FAM47E: variants seen among roughly 807,000 people sequenced by gnomAD.
FAM47E encodes the protein protein FAM47E.
A neutral mutation model predicts 41.6 loss-of-function variants in FAM47E; 32 were observed. That is an observed-to-expected ratio of 0.77 (90% CI 0.58 to 1.03). FAM47E has a LOEUF of 1.03. Ranked by LOEUF, FAM47E falls within the 50% of genes least tolerant of loss-of-function variation. The pLI is 0.00. For synonymous variants in FAM47E, 184 were observed against 188.7 expected, an observed-to-expected ratio of 0.98 and a Z score of 0.20; for missense variants, 424 against 485.4, an observed-to-expected ratio of 0.87 and a Z score of 1.19.
intron 2 of FAM47E, among the ~76,000 whole-genome samples, chr4:76,244,747 C>G (rs919297707): frequency 2.6e-5 from 4 of 151,948 alleles, no homozygotes; most frequent in Admixed American, 2.6e-4. Flanking sequence ...ACCATCTTGG[C>G]CAGGCTGGTC....
At chr4:76,283,342 G>A (rs753364767) in intron 7 of FAM47E, 39 bp from the exon 8 acceptor site, 2 of 1,305,102 alleles carry the variant, frequency 1.5e-6, no homozygotes, top group Non-Finnish European at 2.2e-6. Flanking sequence ...TGCAAGTTTT[G>A]TTTGCCAATC....
chr4:76,281,538 G>A (rs1204492117), intron 7 of FAM47E: 1 of 151,556 alleles, frequency 6.6e-6, no homozygotes, highest in Non-Finnish European at 1.5e-5. Flanking sequence ...ATGTGTTTAC[G>A]AGTCCATATT....
chr4:76,217,758 G>A lies in FAM47E; in HGVS notation c.81+70G>A, dbSNP rs185584293. On this transcript the variant is annotated intron_variant, in intron 2 of 7. Transcript: ENST00000510197. ...GACTGATGCTGTGGCAAGGAGATAC[G>A]GTGATCTCTCTATACCTAAAATCAG... The A allele has an allele frequency of 3.2e-4, 157 of 485,522 alleles. 3 individuals are homozygous for A. The highest frequency in any genetic ancestry group is 3.2e-3 in the East Asian group (99 of 31,356). 30.1% of individuals were successfully genotyped at this position (485,522 alleles called of 1,614,324 possible).
At chr4:76,247,906 CTCTCTTT>C (rs1332321286), upstream of FAM47E, among the ~76,000 whole-genome samples, 4 of 104,690 alleles carry the variant, frequency 3.8e-5, no homozygotes, top group Non-Finnish European at 6.0e-5. Context: ...TTTTCACTCT[CTCTCTTT>C]TTTTTTTTTT....
chr4:76,262,176 A>G (rs141058796), intron 2 of FAM47E, among the ~76,000 whole-genome samples: 5 of 152,312 alleles, frequency 3.3e-5, no homozygotes, highest in Non-Finnish European at 7.3e-5. Context: ...ACGTGAGTGT[A>G]TATTGAATCA....
At chr4:76,274,125 C>A (rs1735003565) in intron 5 of FAM47E, among the ~76,000 whole-genome samples, 1 of 152,182 alleles carries the variant, frequency 6.6e-6, no homozygotes, top group Non-Finnish European at 1.5e-5. Flanking sequence ...TTTCCTGAAT[C>A]TCTGTGTGGC....
At position 76,256,135 on chromosome 4, in the gene FAM47E, C is replaced by T. The variant is rs574496160; in HGVS notation, c.75-43C>T. On this transcript the variant is annotated intron_variant, in intron 1 of 7. Transcript: ENST00000424749. The stretch of plus-strand genomic sequence containing the variant: ...AAGTCCTGTGGTTAATATGAACAGG[C>T]ATGTGGTATTCTAGGTACAAAGAGA... 8.4e-4 allele frequency: 1,288 copies of T among 1,526,228 alleles called. 17 individuals are homozygous for T. The South Asian group carries it at 0.015, about 17-fold the overall frequency. 94.5% of individuals were successfully genotyped at this position (1,526,228 alleles called of 1,614,324 possible). A position where few individuals can be genotyped will look rare whatever the true frequency, so the allele number is the denominator to read the frequency against.
chr4:76,243,149 C>A (rs1733746288), intron 2 of FAM47E, among the ~76,000 whole-genome samples: 1 of 152,220 alleles, frequency 6.6e-6, no homozygotes, highest in Non-Finnish European at 1.5e-5. Context: ...CAGAACCCGA[C>A]CATGCTGGCA....
At position 76,263,730 on chromosome 4, in the gene FAM47E, T is replaced by C; in HGVS notation, c.447T>C (p.Leu149=). 1.3e-6 allele frequency: 2 copies of C among 1,551,748 alleles called. No homozygotes were observed. The highest frequency in any genetic ancestry group is 1.7e-6 in the Non-Finnish European group (2 of 1,146,900). ...IELLSKVLEV[L]DPDRKLEDTW... ...TCTTATCAAAGGTGCTGGAAGTGCT[T>C]GATCCTGACCGGAAGCTGGAGGACA... Residue 149 remains leucine (L), a synonymous_variant, in exon 3 of 8, where the codon CTT becomes CTC. Coordinates refer to ENST00000424749, the MANE Select transcript of FAM47E (RefSeq NM_001136570.3).
In FAM47E at chr4:76,271,715, G is replaced by A. The variant is rs3733250; in HGVS notation, c.817G>A (p.Glu273Lys). Reference sequence around the variant, plus strand: ...TAGTGTGGGGCTCAGTAAACTGCAGGAGACAGAGTTCTTCCAGAAACTAGG... The same window carrying A: ...TAGTGTGGGGCTCAGTAAACTGCAGAAGACAGAGTTCTTCCAGAAACTAGG... ...KRSVGLSKLQ[E>K]TEFFQKLGYE... Residue 273 changes from glutamate to lysine, a missense_variant, in exon 5 of 8, where the codon GAG becomes AAG. Transcript: ENST00000424749. 620,061 of 1,551,380 alleles carry A rather than the reference G, an allele frequency of 0.4. 126,196 individuals carry two copies. Among genetic ancestry groups the A allele is most frequent in the Admixed American group, 0.45 (23,177 of 50,974 alleles).
intron 3 of FAM47E, 86 bp from the exon 4 acceptor site, chr4:76,268,574 G>T (rs1485208594): frequency 1.5e-5 from 21 of 1,360,014 alleles, no homozygotes; most frequent in Non-Finnish European, 2.1e-5. Flanking sequence ...CTTGCTTTAT[G>T]ATTTCCTTTT....
At chr4:76,261,170 AT>A (rs1355475179) in intron 2 of FAM47E, among the ~76,000 whole-genome samples, 8 of 152,190 alleles carry the variant, frequency 5.3e-5, no homozygotes, top group Non-Finnish European at 1.0e-4. Flanking sequence ...AATAAAAAAA[AT>A]AACAGATATT....
At chr4:76,244,858 T>C (rs4859646) in intron 2 of FAM47E, among the ~76,000 whole-genome samples, 18,012 of 152,194 alleles carry the variant, frequency 0.12, 1,406 homozygotes, top group East Asian at 0.34. Context: ...TGTTGACATA[T>C]GTTTTCTCTC....
chr4:76,266,355 CT>C (rs1267068199), intron 3 of FAM47E, among the ~76,000 whole-genome samples: 2 of 152,204 alleles, frequency 1.3e-5, no homozygotes, highest in Admixed American at 6.5e-5. Context: ...AAACTGAACT[CT>C]TGTTTTCTCC....
At chr4:76,279,151 A>G (rs1459511395) in intron 6 of FAM47E, 5 of 152,188 alleles carry the variant, frequency 3.3e-5, no homozygotes, top group Non-Finnish European at 1.5e-5. Flanking sequence ...CCATGTTTAT[A>G]TAAGTCTCAA....
At chr4:76,235,226 G>A (rs978571674) in intron 2 of FAM47E, among the ~76,000 whole-genome samples, 5 of 152,146 alleles carry the variant, frequency 3.3e-5, no homozygotes, top group African/African-American at 4.8e-5. Context: ...ACTGAGGCAG[G>A]AGAATGGCGT....
chr4:76,279,360 T>A (rs988696426), intron 6 of FAM47E: 1 of 152,244 alleles, frequency 6.6e-6, no homozygotes. Context: ...GTTCTCTTTT[T>A]AAAAGCATAT....
chr4:76,272,595 A>T (rs1411380001), intron 5 of FAM47E, among the ~76,000 whole-genome samples: 1 of 152,212 alleles, frequency 6.6e-6, no homozygotes, highest in African/African-American at 2.4e-5. Context: ...CATACGGTTT[A>T]TGAAAACTAT....
chr4:76,256,390 A>G lies in FAM47E; in HGVS notation c.287A>G (p.Lys96Arg). 1 of 1,552,188 alleles carries G rather than the reference A, an allele frequency of 6.4e-7. No homozygotes were observed. Among genetic ancestry groups the G allele is most frequent in the East Asian group, 2.4e-5 (1 of 40,962 alleles). The change falls in exon 2 of 8, where the codon AAG becomes AGG. Residue 96 changes from lysine to arginine, a missense_variant. Coordinates refer to ENST00000424749, the MANE Select transcript of FAM47E (RefSeq NM_001136570.3). ...AAGAAGAGGCAGATCAAGCTGCTCA[A>G]GGAAGCAGACGTGCTTTCCAAGCTC... Reference protein sequence around the residue: ...APKKRQIKLLKEADVLSKLSP... With the variant: ...APKKRQIKLLREADVLSKLSP...
Sources: gnomAD v4.1 joint callset for allele counts (sites outside exome capture counted in the v4.1 genomes callset) on GRCh38, gnomAD v4.1.1 for gene constraint, MANE v1.5 for transcripts, NCBI Gene and HGNC (gene_info 2026-07-23, HGNC 2026-07-21) for gene names.